Variants in DOK6 observed in about 807,000 individuals in gnomAD.
DOK6 encodes the protein docking protein 6.
In DOK6, 22 loss-of-function variants were observed where a neutral mutation model predicts 44.0. The ratio of observed to expected loss-of-function variants is 0.50; its 90% CI spans 0.36 to 0.71. DOK6 has a LOEUF of 0.71. Among genes scored for constraint, DOK6 ranks in the 30% least tolerant of loss-of-function variants. DOK6 has a pLI of 0.00. For synonymous variants in DOK6, 166 were observed against 145.5 expected, an observed-to-expected ratio of 1.14 and a Z score of -1.01; for missense variants, 340 against 416.4, an observed-to-expected ratio of 0.82 and a Z score of 1.60.
intron 1 of DOK6, among the ~76,000 whole-genome samples, chr18:69,428,975 T>C (rs899915053): frequency 6.6e-6 from 1 of 152,224 alleles, no homozygotes; most frequent in African/African-American, 2.4e-5. Context: ...GTAGCTTTAG[T>C]GTCTGTTGCT....
chr18:69,574,067 G>A (rs1018876621), intron 2 of DOK6, among the ~76,000 whole-genome samples: 4 of 151,858 alleles, frequency 2.6e-5, no homozygotes, highest in African/African-American at 9.7e-5. Flanking sequence ...CTCTTTATTG[G>A]GGAATTGCTA....
intron 7 of DOK6, among the ~76,000 whole-genome samples, chr18:69,758,225 T>C (rs149815367): frequency 5.3e-5 from 8 of 152,364 alleles, no homozygotes; most frequent in African/African-American, 1.7e-4. Flanking sequence ...GCATCTTTTT[T>C]TCCTTGAAAG....
rs869115556 is a variant in DOK6, at chr18:69,565,474, C to CGT, written c.174+927_174+928dup. 6.4e-3 allele frequency among the ~76,000 whole-genome samples: 563 copies of CGT among 87,598 alleles called. 2 individuals carry two copies. Among genetic ancestry groups the CGT allele is most frequent in the African/African-American group, 0.021 (523 of 25,098 alleles). The allele number at this position is 87,598 out of a possible 152,430, so 57.5% of individuals were successfully genotyped here. A position where few individuals can be genotyped will look rare whatever the true frequency, so the allele number is the denominator to read the frequency against. Reference sequence around the variant, plus strand: ...CTCTAGGAACCATCTTCTGTCTCTACGTGTGTGTGTGTGTGTGTGTGTGTG... The same window carrying CGT: ...CTCTAGGAACCATCTTCTGTCTCTACGTGTGTGTGTGTGTGTGTGTGTGTGTG... On this transcript the variant is annotated intron_variant, in intron 2 of 7. Coordinates refer to ENST00000382713, the MANE Select transcript of DOK6 (RefSeq NM_152721.6).
chr18:69,725,519 A>T (rs1978301993), intron 5 of DOK6, among the ~76,000 whole-genome samples: 1 of 152,106 alleles, frequency 6.6e-6, no homozygotes, highest in Non-Finnish European at 1.5e-5. Flanking sequence ...ACAGTGTCTC[A>T]CTCTGTCACC....
intron 1 of DOK6, among the ~76,000 whole-genome samples, chr18:69,557,305 G>A (rs1055408452): frequency 6.6e-6 from 1 of 152,158 alleles, no homozygotes; most frequent in African/African-American, 2.4e-5. Flanking sequence ...TCAACAGCTT[G>A]TGATAAAACA....
chr18:69,530,809 T>C (rs1248565887), intron 1 of DOK6, among the ~76,000 whole-genome samples: 1 of 152,200 alleles, frequency 6.6e-6, no homozygotes, highest in East Asian at 1.9e-4. Context: ...GTTCAATTCC[T>C]GGATATTTTT....
At chr18:69,520,292 G>T (rs1981649834) in intron 1 of DOK6, among the ~76,000 whole-genome samples, 1 of 151,220 alleles carries the variant, frequency 6.6e-6, no homozygotes. Flanking sequence ...AATATACAGT[G>T]CACTGTTGGA....
At chr18:69,703,132 C>G (rs1986558429) in intron 5 of DOK6, among the ~76,000 whole-genome samples, 1 of 151,846 alleles carries the variant, frequency 6.6e-6, no homozygotes, top group Admixed American at 6.6e-5. Flanking sequence ...GCACTAGGTT[C>G]CTAAACACTT....
intron 6 of DOK6, among the ~76,000 whole-genome samples, chr18:69,739,601 A>G (rs1978733993): frequency 6.6e-6 from 1 of 152,244 alleles, no homozygotes; most frequent in Non-Finnish European, 1.5e-5. Flanking sequence ...TAATTTGTCT[A>G]TCATCTTGTC....
At chr18:69,523,534 C>A (rs1327974668) in intron 1 of DOK6, among the ~76,000 whole-genome samples, 4 of 152,000 alleles carry the variant, frequency 2.6e-5, no homozygotes. Flanking sequence ...AGGAAATCAT[C>A]TATTGGATTT....
chr18:69,647,122 TCTATCCTGTCTATCTATCTACC>T (rs1985102008), intron 3 of DOK6, among the ~76,000 whole-genome samples: 3 of 152,078 alleles, frequency 2.0e-5, no homozygotes, highest in Admixed American at 6.6e-5. Flanking sequence ...ATCCTATCTG[TCTATCCTGTCTATCTATCTACC>T]CTATCCATCT....
At chr18:69,408,652 T>C (rs1400308320) in intron 1 of DOK6, among the ~76,000 whole-genome samples, 1 of 152,176 alleles carries the variant, frequency 6.6e-6, no homozygotes, top group Non-Finnish European at 1.5e-5. Context: ...ATACAAAAAC[T>C]GTACAGATTA....
At chr18:69,481,017 T>C (rs1271800580) in intron 1 of DOK6, among the ~76,000 whole-genome samples, 1 of 152,054 alleles carries the variant, frequency 6.6e-6, no homozygotes, top group Non-Finnish European at 1.5e-5. Context: ...TCTCCCACAT[T>C]CTATTTAAAT....
At chr18:69,519,546 C>T (rs139119990) in intron 1 of DOK6, among the ~76,000 whole-genome samples, 1 of 151,780 alleles carries the variant, frequency 6.6e-6, no homozygotes, top group Non-Finnish European at 1.5e-5. Context: ...TAGATGTTGG[C>T]TAAAATGTTA....
At chr18:69,420,198 A>T (rs1978448647) in intron 1 of DOK6, among the ~76,000 whole-genome samples, 1 of 151,498 alleles carries the variant, frequency 6.6e-6, no homozygotes. Flanking sequence ...TATCTAAATT[A>T]AAAAAAAATT....
chr18:69,627,518 G>T (rs899511867), intron 3 of DOK6, among the ~76,000 whole-genome samples: 1 of 151,996 alleles, frequency 6.6e-6, no homozygotes, highest in African/African-American at 2.4e-5. Flanking sequence ...GAGCCATCTC[G>T]GCTCACTGCA....
At chr18:69,763,935 A>T (rs1340563026) in intron 7 of DOK6, among the ~76,000 whole-genome samples, 1 of 152,218 alleles carries the variant, frequency 6.6e-6, no homozygotes, top group Middle Eastern at 3.2e-3. Flanking sequence ...CATCAGGACC[A>T]CATCCTCCTC....
chr18:69,687,862 T>C (rs1295405970), intron 4 of DOK6, among the ~76,000 whole-genome samples: 7 of 152,268 alleles, frequency 4.6e-5, no homozygotes, highest in African/African-American at 1.7e-4. Flanking sequence ...CTGAAAGTCT[T>C]TATGTAATAT....
chr18:69,430,472 A>G (rs1405858647), intron 1 of DOK6, among the ~76,000 whole-genome samples: 2 of 152,172 alleles, frequency 1.3e-5, no homozygotes, highest in African/African-American at 4.8e-5. Context: ...CAATCACAAA[A>G]CGTAGAAAAC....
Sources: allele counts gnomAD v4.1 joint callset (sites outside exome capture counted in the v4.1 genomes callset), GRCh38; gene constraint gnomAD v4.1.1; transcripts MANE v1.5; gene names NCBI Gene and HGNC (gene_info 2026-07-23, HGNC 2026-07-21).